ERC2: variants seen among roughly 807,000 people sequenced by gnomAD.
ERC2 encodes ERC protein 2.
ERC2 carries 42 observed loss-of-function variants against 114.8 expected under a neutral mutation model. That is an observed-to-expected ratio of 0.37 (90% CI 0.29 to 0.47). ERC2 has a LOEUF of 0.47. Ranked by LOEUF, ERC2 falls within the 20% of genes least tolerant of loss-of-function variation. ERC2 has a pLI of 0.99. For synonymous variants in ERC2, 454 were observed against 425.5 expected, an observed-to-expected ratio of 1.07 and a Z score of -0.82; for missense variants, 939 against 1,150.7, an observed-to-expected ratio of 0.82 and a Z score of 2.66.
At chr3:56,416,882 T>C (rs924613428) in intron 2 of ERC2, among the ~76,000 whole-genome samples, 4 of 152,196 alleles carry the variant, frequency 2.6e-5, no homozygotes, top group South Asian at 2.1e-4. Context: ...AGTCATCATA[T>C]TGTTTGACCT....
intron 17 of ERC2, among the ~76,000 whole-genome samples, chr3:55,602,247 A>C (rs2058436835): frequency 6.6e-6 from 1 of 152,190 alleles, no homozygotes; most frequent in African/African-American, 2.4e-5. Flanking sequence ...AGACCTGTGA[A>C]AGATGCCTCT....
intron 2 of ERC2, among the ~76,000 whole-genome samples, chr3:56,341,010 T>A (rs1290562508): frequency 6.6e-6 from 1 of 152,194 alleles, no homozygotes; most frequent in Non-Finnish European, 1.5e-5. Context: ...CTAATTTAGC[T>A]CACTGAATGG....
At chr3:55,548,873 C>T (rs901563517) in intron 17 of ERC2, among the ~76,000 whole-genome samples, 3 of 152,148 alleles carry the variant, frequency 2.0e-5, no homozygotes, top group African/African-American at 7.2e-5. Context: ...CTCCCTCCAG[C>T]CAATGTTGTT....
At chr3:56,142,695 T>C (rs2080925174) in intron 5 of ERC2, among the ~76,000 whole-genome samples, 1 of 152,172 alleles carries the variant, frequency 6.6e-6, no homozygotes, top group Non-Finnish European at 1.5e-5. Flanking sequence ...TAATATTTCA[T>C]AGTCTTTTTC....
chr3:56,190,192 T>C (rs1190934902), intron 3 of ERC2, among the ~76,000 whole-genome samples: 5 of 152,360 alleles, frequency 3.3e-5, no homozygotes, highest in Admixed American at 2.6e-4. Flanking sequence ...CTATAAAACA[T>C]GTAAGTACAA....
intron 3 of ERC2, among the ~76,000 whole-genome samples, chr3:56,276,474 A>AAAAAAAAAAAC (rs1446116012): frequency 6.8e-6 from 1 of 147,002 alleles, no homozygotes. Flanking sequence ...AAAAAAAAAA[A>AAAAAAAAAAAC]AAACAAACTC....
At chr3:55,681,569 A>C (rs1432657235) in intron 17 of ERC2, among the ~76,000 whole-genome samples, 1 of 152,230 alleles carries the variant, frequency 6.6e-6, no homozygotes, top group South Asian at 2.1e-4. Context: ...TTAAATCCTT[A>C]AAGATATGGT....
At chr3:55,817,536 T>C (rs1199946470) in intron 14 of ERC2, among the ~76,000 whole-genome samples, 3 of 152,228 alleles carry the variant, frequency 2.0e-5, no homozygotes, top group Non-Finnish European at 4.4e-5. Flanking sequence ...ATTTATATTG[T>C]CATAAGAATA....
chr3:56,035,878 C>G (rs1173993351), intron 7 of ERC2, among the ~76,000 whole-genome samples: 1 of 152,132 alleles, frequency 6.6e-6, no homozygotes, highest in Non-Finnish European at 1.5e-5. Flanking sequence ...CAGCATTACC[C>G]TGATACCAAA....
At chr3:56,315,537 CT>C (rs2056823665) in intron 2 of ERC2, among the ~76,000 whole-genome samples, 1 of 151,986 alleles carries the variant, frequency 6.6e-6, no homozygotes. Context: ...AAAAATTTTC[CT>C]TAAAACGAAG....
At chr3:55,819,094 A>C (rs1226023203) in intron 14 of ERC2, among the ~76,000 whole-genome samples, 1 of 152,326 alleles carries the variant, frequency 6.6e-6, no homozygotes, top group South Asian at 2.1e-4. Flanking sequence ...TATGGTTTAA[A>C]GTAAATGCAT....
At chr3:56,255,596 C>G (rs971898223) in intron 3 of ERC2, among the ~76,000 whole-genome samples, 2 of 152,168 alleles carry the variant, frequency 1.3e-5, no homozygotes, top group Non-Finnish European at 2.9e-5. Context: ...TAGATACTTT[C>G]GAGAAATTTC....
chr3:55,531,883 G>T (rs2053689415), intron 17 of ERC2, among the ~76,000 whole-genome samples: 1 of 152,156 alleles, frequency 6.6e-6, no homozygotes. Flanking sequence ...CTGGTGAAGG[G>T]GCTCATCTCA....
chr3:55,817,867 A>C (rs574744602), intron 14 of ERC2, among the ~76,000 whole-genome samples: 26 of 152,306 alleles, frequency 1.7e-4, no homozygotes, highest in African/African-American at 6.3e-4. Flanking sequence ...TTATCATCTT[A>C]TTATTTTCTG....
At chr3:56,089,239 T>C (rs1254943161) in intron 6 of ERC2, among the ~76,000 whole-genome samples, 1 of 152,154 alleles carries the variant, frequency 6.6e-6, no homozygotes, top group Admixed American at 6.6e-5. Flanking sequence ...TCTTTATATT[T>C]GATGGACAAC....
chr3:56,012,164 T>C (rs959845444), intron 8 of ERC2, among the ~76,000 whole-genome samples: 1 of 152,226 alleles, frequency 6.6e-6, no homozygotes, highest in African/African-American at 2.4e-5. Flanking sequence ...ATGGCCACAG[T>C]ACATGGTCAA....
chr3:55,661,341 TG>T (rs2061127357), intron 17 of ERC2, among the ~76,000 whole-genome samples: 1 of 152,214 alleles, frequency 6.6e-6, no homozygotes, highest in African/African-American at 2.4e-5. Flanking sequence ...CGTCTGGTTG[TG>T]GGACTTTCCT....
intron 3 of ERC2, among the ~76,000 whole-genome samples, chr3:56,219,535 A>C (rs1283333767): frequency 6.6e-6 from 1 of 152,086 alleles, no homozygotes; most frequent in African/African-American, 2.4e-5. Context: ...ACGTAAATCA[A>C]ATAACCACAC....
At chr3:56,467,110 G>C (rs2063578621) in intron 1 of ERC2, 1 of 152,244 alleles carries the variant, frequency 6.6e-6, no homozygotes, top group Non-Finnish European at 1.5e-5. Context: ...CTTCCCGCTT[G>C]TCTGCCTCTC....
Sources: allele counts gnomAD v4.1 joint callset (sites outside exome capture counted in the v4.1 genomes callset), GRCh38; gene constraint gnomAD v4.1.1; transcripts MANE v1.5; gene names NCBI Gene and HGNC (gene_info 2026-07-23, HGNC 2026-07-21).